Variants in CNTNAP2 observed in about 807,000 individuals in gnomAD.
CNTNAP2 encodes the protein contactin-associated protein-like 2.
A neutral mutation model predicts 155.2 loss-of-function variants in CNTNAP2; 98 were observed. The observed-to-expected ratio is 0.63, with a 90% confidence interval of 0.54 to 0.75. The LOEUF is 0.75. Among genes scored for constraint, CNTNAP2 ranks in the 30% least tolerant of loss-of-function variants. CNTNAP2 has a pLI of 0.00. For synonymous variants in CNTNAP2, 651 were observed against 631.2 expected (o/e 1.03, Z -0.47); for missense variants, 1,727 against 1,688.1 (o/e 1.02, Z -0.40).
At chr7:148,215,377 T>C (rs922590079) in intron 18 of CNTNAP2, among the ~76,000 whole-genome samples, 3 of 152,352 alleles carry the variant, frequency 2.0e-5, no homozygotes, top group Non-Finnish European at 2.9e-5. Flanking sequence ...AGGGCAGTTG[T>C]TCTTGTAGAA....
At chr7:147,427,083 T>C (rs1345245548) in intron 10 of CNTNAP2, among the ~76,000 whole-genome samples, 2 of 152,152 alleles carry the variant, frequency 1.3e-5, no homozygotes, top group Non-Finnish European at 2.9e-5. Flanking sequence ...ATTGCTCTTC[T>C]TCCAAGATGG....
At chr7:146,427,716 A>G (rs1418469202) in intron 1 of CNTNAP2, among the ~76,000 whole-genome samples, 1 of 152,146 alleles carries the variant, frequency 6.6e-6, no homozygotes, top group African/African-American at 2.4e-5. Flanking sequence ...TTATTTTATC[A>G]TCTAATGTAT....
chr7:147,565,844 A>G (rs145296807), intron 12 of CNTNAP2, among the ~76,000 whole-genome samples: 120 of 152,232 alleles, frequency 7.9e-4, no homozygotes, highest in African/African-American at 2.5e-3. Flanking sequence ...TGAGATGCAA[A>G]TTTTACAGTT....
intron 3 of CNTNAP2, among the ~76,000 whole-genome samples, chr7:146,871,334 C>T (rs1319668668): frequency 6.6e-6 from 1 of 151,954 alleles, no homozygotes; most frequent in Non-Finnish European, 1.5e-5. Flanking sequence ...AGTTCAAGAC[C>T]AGCCTGGCTA....
chr7:146,154,123 T>C (rs1157881025), intron 1 of CNTNAP2, among the ~76,000 whole-genome samples: 1 of 152,126 alleles, frequency 6.6e-6, no homozygotes, highest in Non-Finnish European at 1.5e-5. Flanking sequence ...AAAAAAGAGC[T>C]TACAATCTTC....
At chr7:146,358,663 C>A (rs112649655) in intron 1 of CNTNAP2, among the ~76,000 whole-genome samples, 1 of 152,120 alleles carries the variant, frequency 6.6e-6, no homozygotes, top group African/African-American at 2.4e-5. Context: ...ATTCATTATT[C>A]TAGAGAGTGT....
intron 23 of CNTNAP2, among the ~76,000 whole-genome samples, 153 bp from the exon 24 acceptor site, chr7:148,415,264 C>G (rs761934820): frequency 6.6e-6 from 1 of 152,158 alleles, no homozygotes; most frequent in Non-Finnish European, 1.5e-5. Context: ...CAAAAACAGA[C>G]ATCTTACTTC....
chr7:146,873,271 A>G (rs1371968934), intron 3 of CNTNAP2, among the ~76,000 whole-genome samples: 1 of 68,964 alleles, frequency 1.5e-5, no homozygotes, highest in Non-Finnish European at 2.7e-5. Context: ...AATTTTATGC[A>G]AGACAGATTT....
intron 8 of CNTNAP2, among the ~76,000 whole-genome samples, chr7:147,296,749 G>A (rs1348706188): frequency 6.6e-6 from 1 of 152,158 alleles, no homozygotes; most frequent in Non-Finnish European, 1.5e-5. Flanking sequence ...CAATCTGGGA[G>A]AGGGGAGGTG....
intron 10 of CNTNAP2, among the ~76,000 whole-genome samples, chr7:147,423,652 A>G (rs1281089777): frequency 2.6e-5 from 4 of 152,108 alleles, no homozygotes; most frequent in Non-Finnish European, 4.4e-5. Context: ...CATTCTTTCA[A>G]TGAACCTATC....
intron 1 of CNTNAP2, among the ~76,000 whole-genome samples, chr7:146,504,353 G>T (rs986030146): frequency 1.3e-5 from 2 of 152,200 alleles, no homozygotes; most frequent in Non-Finnish European, 2.9e-5. Flanking sequence ...CATCAGTAAG[G>T]CTGTCAGCTG....
chr7:147,996,062 G>C (rs919504639), intron 15 of CNTNAP2, among the ~76,000 whole-genome samples: 1 of 152,184 alleles, frequency 6.6e-6, no homozygotes, highest in Non-Finnish European at 1.5e-5. Flanking sequence ...ATGTTTCTAC[G>C]TGCTAGCGAA....
intron 1 of CNTNAP2, among the ~76,000 whole-genome samples, chr7:146,607,300 A>C (rs190281446): frequency 1.7e-3 from 264 of 152,126 alleles, no homozygotes; most frequent in African/African-American, 6.2e-3. Context: ...CAGATGTTGG[A>C]TATGTCCCAT....
At chr7:147,410,940 G>A (rs529730028) in intron 10 of CNTNAP2, among the ~76,000 whole-genome samples, 184 of 152,284 alleles carry the variant, frequency 1.2e-3, no homozygotes, top group African/African-American at 4.2e-3. Flanking sequence ...GCAAGAATGA[G>A]TGCCCTAGCT....
intron 3 of CNTNAP2, among the ~76,000 whole-genome samples, chr7:146,944,420 A>G (rs908636103): frequency 3.9e-5 from 6 of 152,098 alleles, no homozygotes; most frequent in Admixed American, 1.3e-4. Context: ...TCTGTGTTAT[A>G]TCTTAATTTT....
At chr7:146,217,668 T>C (rs987361612) in intron 1 of CNTNAP2, among the ~76,000 whole-genome samples, 2 of 152,152 alleles carry the variant, frequency 1.3e-5, no homozygotes, top group African/African-American at 4.8e-5. Context: ...AAGAAATATA[T>C]AGACAAAATT....
At chr7:148,190,362 A>C (rs371104974) in intron 18 of CNTNAP2, 14 of 152,208 alleles carry the variant, frequency 9.2e-5, no homozygotes, top group African/African-American at 3.4e-4. Flanking sequence ...GAGATAATGA[A>C]ATAATTGTTG....
At chr7:147,705,699 T>C (rs917636749) in intron 13 of CNTNAP2, among the ~76,000 whole-genome samples, 13 of 152,214 alleles carry the variant, frequency 8.5e-5, no homozygotes, top group African/African-American at 3.1e-4. Flanking sequence ...TCCCTTTAAA[T>C]CTAATAATAT....
At chr7:146,405,667 C>T (rs939157538) in intron 1 of CNTNAP2, among the ~76,000 whole-genome samples, 17 of 152,190 alleles carry the variant, frequency 1.1e-4, no homozygotes, top group East Asian at 9.7e-4. Context: ...TTTTGATACT[C>T]GGAAAAATCA....
Sources: allele counts gnomAD v4.1 joint callset (sites outside exome capture counted in the v4.1 genomes callset), GRCh38; gene constraint gnomAD v4.1.1; transcripts MANE v1.5; gene names NCBI Gene and HGNC (gene_info 2026-07-23, HGNC 2026-07-21).